Variants in KIF11 observed in about 807,000 individuals in gnomAD.
KIF11 encodes the protein kinesin-like protein KIF11.
Under a neutral mutation model 121.0 loss-of-function variants are expected in KIF11, and 9 were observed. The observed-to-expected ratio is 0.07, with a 90% CI of 0.04 to 0.13. The LOEUF is 0.13. KIF11 is among the 10% of genes least tolerant of loss of function. The pLI, the probability that KIF11 is intolerant of heterozygous loss-of-function variation, is 1.00. For missense variants in KIF11, 846 were observed against 1,217.5 expected, an observed-to-expected ratio of 0.69 and a Z score of 4.54; for synonymous variants, 408 against 421.0, an observed-to-expected ratio of 0.97 and a Z score of 0.38.
intron 14 of KIF11, 76 bp from the exon 15 acceptor site, chr10:92,637,105 ATTT>A: frequency 9.3e-7 from 1 of 1,080,664 alleles, no homozygotes; most frequent in Non-Finnish European, 1.3e-6. Flanking sequence ...CTACCAAAGT[ATTT>A]AAGATATCAT....
At chr10:92,615,836 T>G (rs1452579278) in intron 8 of KIF11, among the ~76,000 whole-genome samples, 1 of 133,478 alleles carries the variant, frequency 7.5e-6, no homozygotes, top group African/African-American at 2.7e-5. Flanking sequence ...GATATGGGAT[T>G]TTTTTGTTTT....
At position 92,609,297 on chromosome 10, in the gene KIF11, AGAGAGAGTGTGTGTGT is replaced by A. The variant is rs1188113652; in HGVS notation, c.574-86_574-71del. On this transcript the variant is annotated intron_variant, in intron 5 of 21. Coordinates refer to ENST00000260731, the MANE Select transcript of KIF11 (RefSeq NM_004523.4). Reference sequence around the variant, plus strand: ...GAGAGAGAGAGAGAGAGAGAGAGAGAGAGAGAGTGTGTGTGTGTGTGTGTGTGTGTGTGTGTGTGTG... The same window carrying A: ...GAGAGAGAGAGAGAGAGAGAGAGAGAGTGTGTGTGTGTGTGTGTGTGTGTG... The A allele has an allele frequency of 1.0e-4, 88 of 850,680 alleles. No individual in the cohort carries two copies. The African/African-American group carries it at 2.1e-3, about 20-fold the overall frequency. 52.7% of individuals were successfully genotyped at this position (850,680 alleles called of 1,614,324 possible).
chr10:92,593,330 GC>G lies in KIF11; in HGVS notation c.-45del, dbSNP rs1370994806. ...CCGCCAAGCCCCTCCGCCCCTCACA[GC>G]GCCCAGGTCCGCGGCCGGGCCTTGA... On this transcript the variant is annotated 5_prime_UTR_variant, in exon 1 of 22. Coordinates refer to ENST00000260731, the MANE Select transcript of KIF11 (RefSeq NM_004523.4). The G allele has an allele frequency of 1.3e-6, 2 of 1,568,480 alleles. No individual in the cohort carries two copies. Among genetic ancestry groups the G allele is most frequent in the Non-Finnish European group, 1.7e-6 (2 of 1,155,984 alleles).
rs1441679745 is a variant in KIF11 at position 92,609,443 on chromosome 10, A to T, written c.632A>T (p.Tyr211Phe). ...EITVHNKDEVYQILEKGAAKR... is the reference protein window; with the variant it reads ...EITVHNKDEVFQILEKGAAKR... ...ACAGTACACAACAAGGATGAAGTCTATCAAATTTTAGAAAAGGGGGCAGCA... is the reference window on the plus strand; with the variant it reads ...ACAGTACACAACAAGGATGAAGTCTTTCAAATTTTAGAAAAGGGGGCAGCA... Residue 211 changes from tyrosine (Y) to phenylalanine (F), a missense_variant, in exon 6 of 22, where the codon TAT becomes TTT. Coordinates refer to ENST00000260731, the MANE Select transcript of KIF11 (RefSeq NM_004523.4). 1 of 1,613,888 alleles carries T rather than the reference A, an allele frequency of 6.2e-7. No individual in the cohort carries two copies. The highest frequency in any genetic ancestry group is 1.3e-5 in the African/African-American group (1 of 75,014).
At chr10:92,641,735 C>T (rs1844867681) in intron 17 of KIF11, among the ~76,000 whole-genome samples, 1 of 152,138 alleles carries the variant, frequency 6.6e-6, no homozygotes, top group African/African-American at 2.4e-5. Context: ...GAATATTTTT[C>T]AGCCCTATAC....
At chr10:92,607,666 T>C (rs141307723) in intron 4 of KIF11, among the ~76,000 whole-genome samples, 162 of 152,274 alleles carry the variant, frequency 1.1e-3, no homozygotes, top group African/African-American at 3.8e-3. Context: ...TGTTTAATAT[T>C]GCAGAAAGCA....
chr10:92,596,105 G>A (rs924025706), intron 1 of KIF11, among the ~76,000 whole-genome samples: 8 of 152,110 alleles, frequency 5.3e-5, no homozygotes, highest in Non-Finnish European at 1.2e-4. Context: ...CCGGGTTCAC[G>A]CCATTCTCCT....
chr10:92,610,867 A>C (rs2135903730), intron 6 of KIF11, among the ~76,000 whole-genome samples: 1 of 152,332 alleles, frequency 6.6e-6, no homozygotes, highest in African/African-American at 2.4e-5. Flanking sequence ...TGATTTCAAA[A>C]TTTTAATTAA....
intron 12 of KIF11, among the ~76,000 whole-genome samples, chr10:92,631,243 G>A (rs1262001848): frequency 5.4e-5 from 8 of 148,708 alleles, no homozygotes; most frequent in Non-Finnish European, 1.0e-4. Flanking sequence ...GCAGTGAACC[G>A]AGATCATGCC....
At chr10:92,647,945 CA>C (rs1844937640) in intron 18 of KIF11, among the ~76,000 whole-genome samples, 2 of 151,770 alleles carry the variant, frequency 1.3e-5, no homozygotes, top group Non-Finnish European at 1.5e-5. Context: ...GCCATCTCTT[CA>C]AAAAATACAA....
chr10:92,630,155 T>C (rs749833251), intron 11 of KIF11, 21 bp from the exon 12 acceptor site: 4 of 1,322,192 alleles, frequency 3.0e-6, no homozygotes, highest in Non-Finnish European at 4.1e-6. Context: ...AGCTCAGCGT[T>C]TTTTAAATTC....
chr10:92,645,765 G>A, intron 18 of KIF11, 123 bp downstream of exon 18: 2 of 749,920 alleles, frequency 2.7e-6, no homozygotes, highest in Non-Finnish European at 2.1e-6. Flanking sequence ...AAACTTTTAA[G>A]TATAATATTT....
chr10:92,608,869 T>C (rs1334745420), intron 4 of KIF11, 151 bp from the exon 5 acceptor site: 2 of 506,732 alleles, frequency 3.9e-6, no homozygotes, highest in Non-Finnish European at 6.9e-6. Flanking sequence ...AAATGACTTC[T>C]CTAACATTAG....
Position 92,655,185 on chromosome 10 carries a change from AC to A in KIF11, c.*1390del, listed in dbSNP as rs1845033178. The A allele has an allele frequency of 6.6e-6, 1 of 152,594 alleles. No individual in the cohort carries two copies. The highest frequency in any genetic ancestry group is 2.4e-5 in the African/African-American group (1 of 41,450). The allele number at this position is 152,594 out of a possible 1,614,324, so 9.5% of individuals were successfully genotyped here. ...TGAGTTTAGTGTGTAAAGTTTAGAG[AC>A]ATCTGACTTTGATAGCTAAATTAAA... On this transcript the variant is annotated 3_prime_UTR_variant, in exon 22 of 22. Coordinates refer to ENST00000260731, the MANE Select transcript of KIF11 (RefSeq NM_004523.4).
At position 92,637,470 on chromosome 10, in the gene KIF11, T is replaced by G. The variant is rs747525358; in HGVS notation, c.2085T>G (p.Cys695Trp). The G allele has an allele frequency of 1.5e-5, 24 of 1,608,122 alleles. No individual in the cohort carries two copies. The highest frequency in any genetic ancestry group is 2.0e-5 in the Non-Finnish European group (24 of 1,178,794). The change falls in exon 16 of 22, where the codon TGT becomes TGG. Residue 695 changes from cysteine to tryptophan, a missense_variant. Physicochemically the swap from Cys to Trp is radical, Grantham distance 215. This residue lies in a region of KIF11 where 492 missense variants were observed against 603.4 expected (regional missense o/e 0.82). Coordinates refer to ENST00000260731, the MANE Select transcript of KIF11 (RefSeq NM_004523.4). The stretch of plus-strand genomic sequence containing the variant: ...ATGAACTACAAGAAAATACCATTTG[T>G]TCCTTGGTTGAGTCACAAAAGCAAT... ...NLHELQENTI[C>W]SLVESQKQCG...
At chr10:92,617,047 T>C (rs890889471) in intron 9 of KIF11, among the ~76,000 whole-genome samples, 1 of 152,254 alleles carries the variant, frequency 6.6e-6, no homozygotes. Context: ...TTGGTACTCT[T>C]AGCAAAATTT....
At chr10:92,607,110 C>A in intron 3 of KIF11, 49 bp from the exon 4 acceptor site, 1 of 1,076,024 alleles carries the variant, frequency 9.3e-7, no homozygotes, top group Non-Finnish European at 1.4e-6. Context: ...CACTAAGAGT[C>A]ATATGGGTGC....
At chr10:92,611,815 C>CT in intron 6 of KIF11, among the ~76,000 whole-genome samples, 2 of 152,234 alleles carry the variant, frequency 1.3e-5, no homozygotes, top group South Asian at 4.1e-4. Context: ...AGGAGAACTG[C>CT]TTGAACCCAG....
intron 18 of KIF11, among the ~76,000 whole-genome samples, chr10:92,647,221 A>T (rs909456241): frequency 1.3e-5 from 2 of 152,146 alleles, no homozygotes; most frequent in African/African-American, 4.8e-5. Flanking sequence ...AGAATTTGAG[A>T]TGTTCAATGG....
Sources: gnomAD v4.1 joint callset for allele counts (sites outside exome capture counted in the v4.1 genomes callset) on GRCh38, gnomAD v4.1.1 for gene constraint, gnomAD v4.1.1 regional missense constraint, MANE v1.5 for transcripts, NCBI Gene and HGNC (gene_info 2026-07-23, HGNC 2026-07-21) for gene names.